USP31: variants seen among roughly 807,000 people sequenced by gnomAD.
USP31 encodes ubiquitin specific peptidase 31.
In USP31, 44 loss-of-function variants were observed where a neutral mutation model predicts 119.4. The ratio of observed to expected loss-of-function variants is 0.37; its 90% CI spans 0.29 to 0.47. The LOEUF is 0.47. Among genes scored for constraint, USP31 ranks in the 20% least tolerant of loss-of-function variants. The probability of loss-of-function intolerance (pLI) is 0.99; values close to 1 mark genes in which losing one functional copy is unlikely to be tolerated. For missense variants in USP31, 1,643 were observed against 1,730.2 expected (o/e 0.95, Z 0.89); for synonymous variants, 749 against 705.6 (o/e 1.06, Z -0.97).
intron 1 of USP31, among the ~76,000 whole-genome samples, chr16:23,129,670 A>C (rs888348749): frequency 6.6e-6 from 1 of 152,196 alleles, no homozygotes; most frequent in African/African-American, 2.4e-5. Flanking sequence ...GTTCACAAAG[A>C]AAGGTTTTCT....
chr16:23,099,950 CAAACACA>C (rs1359680229), intron 6 of USP31, among the ~76,000 whole-genome samples: 21 of 152,098 alleles, frequency 1.4e-4, no homozygotes, highest in Admixed American at 3.9e-4. Flanking sequence ...ATGTCAGTGA[CAAACACA>C]AATCAAAACC....
chr16:23,106,293 C>T lies in USP31; in HGVS notation c.873G>A (p.Thr291=), dbSNP rs369212036. ...LFQAQYRSSL[T]CPHCQKQSNT... ...TGCTCTGTTTCTGACAATGAGGACA[C>T]GTCAAAGAAGATCTTCAAAACAAAA... The change falls in exon 4 of 16, where the codon ACG becomes ACA. Residue 291 remains threonine, a synonymous_variant. Transcript: ENST00000219689. The T allele has an allele frequency of 9.1e-5, 147 of 1,613,952 alleles. No individual in the cohort carries two copies. The highest frequency in any genetic ancestry group is 3.3e-4 in the Middle Eastern group (2 of 6,084).
intron 6 of USP31, among the ~76,000 whole-genome samples, chr16:23,093,873 A>T (rs907163580): frequency 2.0e-5 from 3 of 152,226 alleles, no homozygotes; most frequent in Non-Finnish European, 2.9e-5. Context: ...AATGAAGTGG[A>T]TCCGTTCCAA....
chr16:23,147,349 T>C (rs1383369203), intron 1 of USP31, among the ~76,000 whole-genome samples: 1 of 152,152 alleles, frequency 6.6e-6, no homozygotes, highest in African/African-American at 2.4e-5. Context: ...CCTCAGGTGA[T>C]CCACCCGCCT....
rs958592433 is a variant in USP31 at position 23,064,859 on chromosome 16, TCAGG to T, written c.*3183_*3186del. ...ATGAAAACAAGATTGCAAAAGCGTG[TCAGG>T]CAGCCTCACAGATAATTACAGTATT... On this transcript the variant is annotated 3_prime_UTR_variant, in exon 16 of 16. Coordinates refer to ENST00000219689, the MANE Select transcript of USP31 (RefSeq NM_020718.4). 6.6e-6 allele frequency: 1 copy of T among 152,186 alleles called. No individual in the cohort carries two copies. Among genetic ancestry groups the T allele is most frequent in the Non-Finnish European group, 1.5e-5 (1 of 68,028 alleles). The allele number at this position is 152,186 out of a possible 1,614,324, so 9.4% of individuals were successfully genotyped here.
In USP31 at chr16:23,072,027, A is replaced by T. The variant is rs1339566861; in HGVS notation, c.2488+18T>A. The T allele has an allele frequency of 2.5e-6, 4 of 1,599,724 alleles. No homozygotes were observed. The highest frequency in any genetic ancestry group is 2.6e-6 in the Non-Finnish European group (3 of 1,171,530). On this transcript the variant is annotated intron_variant, in intron 15 of 15. Transcript: ENST00000219689. Reference sequence around the variant, plus strand: ...TGAGTTACCATTCTGGAAATTTGTCACCAAAACCCACACCCACCATCATCT... The same window carrying T: ...TGAGTTACCATTCTGGAAATTTGTCTCCAAAACCCACACCCACCATCATCT...
At chr16:23,074,297 C>T (rs991595624) in intron 13 of USP31, among the ~76,000 whole-genome samples, 3 of 152,040 alleles carry the variant, frequency 2.0e-5, no homozygotes, top group Non-Finnish European at 4.4e-5. Context: ...AGGACAGCCC[C>T]CTGCAAGACA....
At chr16:23,106,114 T>A in intron 4 of USP31, 99 bp downstream of exon 4, 1 of 1,274,346 alleles carries the variant, frequency 7.8e-7, no homozygotes, top group South Asian at 1.3e-5. Flanking sequence ...ATTAATCCCA[T>A]TACCTGTCTA....
rs1019478314 is a variant in USP31, at chr16:23,065,688, A to C, written c.*2358T>G. 6.6e-6 allele frequency: 1 copy of C among 152,372 alleles called. No individual in the cohort carries two copies. Among genetic ancestry groups the C allele is most frequent in the Non-Finnish European group, 1.5e-5 (1 of 68,012 alleles). 9.4% of individuals were successfully genotyped at this position (152,372 alleles called of 1,614,324 possible). A position where few individuals can be genotyped will look rare whatever the true frequency, so the allele number is the denominator to read the frequency against. On this transcript the variant is annotated 3_prime_UTR_variant, in exon 16 of 16. Transcript: ENST00000219689. ...CATGGAAAACCAAAGGGATTTGTAG[A>C]AACGTTTTTCCTTTTTTTTTTTAAG... is the stretch of plus-strand genomic sequence containing the variant.
rs112280181 is a variant in USP31 at position 23,107,887 on chromosome 16, G to A, written c.771+159C>T. Among the ~76,000 whole-genome samples the A allele has an allele frequency of 6.1e-3, 922 of 152,334 alleles. 7 individuals are homozygous for A. The highest frequency in any genetic ancestry group is 0.021 in the African/African-American group (869 of 41,572). On this transcript the variant is annotated intron_variant, in intron 2 of 15. Transcript: ENST00000219689. ...TGTATCTTACACTGCCAGCACAGTA[G>A]TAAACAAAATGAAATGTCCTTTAAG...
Position 23,069,235 on chromosome 16 carries a change from C to A in USP31, c.2870G>T (p.Arg957Ile), listed in dbSNP as rs778950135. Residue 957 changes from arginine (R) to isoleucine (I), a missense_variant, in exon 16 of 16, where the codon AGA becomes ATA. By Grantham distance (97) the Arg-to-Ile change is moderately conservative (BLOSUM62 -3). Coordinates refer to ENST00000219689, the MANE Select transcript of USP31 (RefSeq NM_020718.4). ...GVFKDESDTR[R>I]LNSSVVDTQS... ...TGTATCTACGACACTGGAGTTCAAT[C>A]TGCGGGTGTCCGATTCGTCTTTGAA... The A allele has an allele frequency of 6.2e-7, 1 of 1,614,218 alleles. No individual in the cohort carries two copies. The highest frequency in any genetic ancestry group is 8.5e-7 in the Non-Finnish European group (1 of 1,180,032).
At chr16:23,087,361 C>A (rs563117465) in intron 8 of USP31, among the ~76,000 whole-genome samples, 175 bp from the exon 9 acceptor site, 2 of 152,280 alleles carry the variant, frequency 1.3e-5, no homozygotes, top group Non-Finnish European at 2.9e-5. Flanking sequence ...ATATTATTTA[C>A]CCAAATGCGA....
At chr16:23,142,773 A>G (rs1903389332) in intron 1 of USP31, among the ~76,000 whole-genome samples, 2 of 152,204 alleles carry the variant, frequency 1.3e-5, no homozygotes. Context: ...CATTTGATGG[A>G]CCAGAGAACT....
chr16:23,092,721 A>G (rs1317774056), intron 6 of USP31, among the ~76,000 whole-genome samples: 6 of 152,228 alleles, frequency 3.9e-5, no homozygotes, highest in Admixed American at 1.3e-4. Flanking sequence ...GAATAAGTGA[A>G]ATAATAGACT....
At position 23,090,734 on chromosome 16, in the gene USP31, T is replaced by C. The variant is rs145367629; in HGVS notation, c.1305A>G (p.Thr435=). 1.2e-6 allele frequency: 2 copies of C among 1,614,052 alleles called. No individual in the cohort carries two copies. The highest frequency in any genetic ancestry group is 1.7e-6 in the Non-Finnish European group (2 of 1,179,922). The part of the protein sequence containing the change: ...GLDYHRLSSP[T]QTAAKQGKMD... ...TTTTCCCCTGCTTTGCTGCTGTTTG[T>C]GTAGGAGAAGACAGTCTATGATAAT... Residue 435 remains threonine, a synonymous_variant, in exon 7 of 16, where the codon ACA becomes ACG. Coordinates refer to ENST00000219689, the MANE Select transcript of USP31 (RefSeq NM_020718.4).
intron 5 of USP31, among the ~76,000 whole-genome samples, chr16:23,103,091 G>C (rs1901951017): frequency 6.6e-6 from 1 of 152,088 alleles, no homozygotes; most frequent in South Asian, 2.1e-4. Context: ...TCTAACTCCA[G>C]AGTTTCTCTA....
intron 1 of USP31, among the ~76,000 whole-genome samples, chr16:23,112,641 C>CT (rs1480015582): frequency 7.9e-5 from 12 of 151,938 alleles, no homozygotes; most frequent in African/African-American, 2.9e-4. Context: ...GGCTTATGGC[C>CT]TTATGTTCCC....
At chr16:23,120,165 G>A (rs1184692306) in intron 1 of USP31, among the ~76,000 whole-genome samples, 2 of 151,818 alleles carry the variant, frequency 1.3e-5, no homozygotes, top group Non-Finnish European at 2.9e-5. Context: ...AGGAAGGGGG[G>A]AAATTTTGAC....
At chr16:23,105,300 AT>A (rs1412854135) in intron 5 of USP31, 140 bp downstream of exon 5, 5 of 1,116,702 alleles carry the variant, frequency 4.5e-6, no homozygotes, top group Admixed American at 3.4e-5. Context: ...TGGGGCCTTG[AT>A]TTTTTTCCCT....
Sources: allele counts gnomAD v4.1 joint callset (sites outside exome capture counted in the v4.1 genomes callset), GRCh38; gene constraint gnomAD v4.1.1; transcripts MANE v1.5; gene names NCBI Gene and HGNC (gene_info 2026-07-23, HGNC 2026-07-21).